Variants in TEX2 observed in about 807,000 individuals in gnomAD.
TEX2 encodes testis expressed 2, also known as testis-expressed protein 2.
TEX2 carries 53 observed loss-of-function variants against 106.9 expected under a neutral mutation model. The ratio of observed to expected loss-of-function variants is 0.50; its 90% CI spans 0.40 to 0.62. The LOEUF (loss-of-function observed/expected upper bound fraction) is 0.62. TEX2 is among the 20% of genes least tolerant of loss of function. TEX2 has a pLI of 0.00. For missense variants in TEX2, 1,207 were observed against 1,379.0 expected (o/e 0.88, Z 1.98); for synonymous variants, 523 against 534.8 (o/e 0.98, Z 0.30).
At chr17:64,260,459 T>C (rs574055128) in intron 1 of TEX2, among the ~76,000 whole-genome samples, 4 of 49,868 alleles carry the variant, frequency 8.0e-5, no homozygotes, top group Non-Finnish European at 1.5e-4. Flanking sequence ...TGTGAGCCAC[T>C]GTGCCTGGCC....
rs147535178 is a variant in TEX2, at chr17:64,213,996, G to A, written c.222C>T (p.Asp74=). The A allele has an allele frequency of 5.1e-4, 824 of 1,614,164 alleles. 9 individuals are homozygous for A. The African/African-American group carries it at 0.01, about 20-fold the overall frequency. Residue 74 remains aspartate (D), a synonymous_variant, in exon 2 of 12, where the codon GAC becomes GAT. Transcript: ENST00000584379. The surrounding 1 kb of genome is among the most constrained non-coding windows in gnomAD (Gnocchi z 4.4). ...GGCCAACTTGGGGTTCAAGATAGAG[G>A]TCTTCCTTGGCTTCCAGCCCTGTTA... ...SIVTGLEAKE[D]LYLEPQVGHD... is the part of the protein sequence containing the mutation.
At chr17:64,261,908 T>C (rs782463574) in intron 1 of TEX2, among the ~76,000 whole-genome samples, 1 of 152,226 alleles carries the variant, frequency 6.6e-6, no homozygotes, top group Non-Finnish European at 1.5e-5. Flanking sequence ...GACAAGCGTC[T>C]CTGTGTGACC....
Position 64,150,884 on chromosome 17 carries a change from T to A in TEX2, c.3218A>T (p.His1073Leu), listed in dbSNP as rs371512535. 7 of 1,613,978 alleles carry A rather than the reference T, an allele frequency of 4.3e-6. No individual in the cohort carries two copies. Among genetic ancestry groups the A allele is most frequent in the Non-Finnish European group, 5.9e-6 (7 of 1,179,946 alleles). The change falls in exon 11 of 12, where the codon CAT (histidine) becomes CTT (leucine). Residue 1073 changes from histidine (H) to leucine (L), a missense_variant. By Grantham distance (99) the His-to-Leu change is moderately conservative (BLOSUM62 -3). This residue lies in a region of TEX2 where 77 missense variants were observed against 73.2 expected (regional missense o/e 1.05). Coordinates refer to ENST00000584379, the MANE Select transcript of TEX2 (RefSeq NM_001288732.2). The stretch of plus-strand genomic sequence containing the variant: ...TTTCTTCTCTATCCAGTCTGTCACA[T>A]GAACTAAAGTCACTTCTCTCTCTCC... ...KLGEREVTLV[H>L]VTDWIEKKLE... is the part of the protein sequence containing the mutation.
chr17:64,206,704 C>T (rs59077541), intron 2 of TEX2, among the ~76,000 whole-genome samples: 20,396 of 151,958 alleles, frequency 0.13, 1,787 homozygotes, highest in African/African-American at 0.25. Flanking sequence ...GCTAGGATTA[C>T]AGGCATGCCC....
chr17:64,178,909 G>A (rs1426529449), intron 5 of TEX2, among the ~76,000 whole-genome samples: 3 of 152,200 alleles, frequency 2.0e-5, no homozygotes, highest in South Asian at 2.1e-4. Context: ...TGGTGCACAC[G>A]TTGTTGCTTG....
At chr17:64,192,223 C>T (rs1172950223) in intron 4 of TEX2, among the ~76,000 whole-genome samples, 1 of 152,160 alleles carries the variant, frequency 6.6e-6, no homozygotes, top group Non-Finnish European at 1.5e-5. Context: ...AAGTCCTAAC[C>T]CCAGTATCTC....
rs758516396 is a variant in TEX2, at chr17:64,188,278, T to C, written c.2314A>G (p.Met772Val). ...ATGTACACGCTGTAGTCGAGAAGCA[T>C]CTTCTGCCGCACGCTGCCTGCCAGC... ...KELAGSVRQK[M>V]LLDYSVYMGR... The change falls in exon 5 of 12, where the codon ATG becomes GTG. Residue 772 changes from methionine to valine, a missense_variant. Transcript: ENST00000584379. 1 of 1,614,126 alleles carries C rather than the reference T, an allele frequency of 6.2e-7. No individual in the cohort carries two copies. The highest frequency in any genetic ancestry group is 8.5e-7 in the Non-Finnish European group (1 of 1,180,042).
intron 1 of TEX2, among the ~76,000 whole-genome samples, chr17:64,233,338 C>G (rs2033698120): frequency 6.6e-6 from 1 of 152,146 alleles, no homozygotes; most frequent in Admixed American, 6.5e-5. Context: ...CTTTGGGAGG[C>G]CAAGGTGGGT....
Position 64,205,304 on chromosome 17 carries a change from G to A in TEX2, c.1644+7270C>T, listed in dbSNP as rs1408762979. Reference sequence around the variant, plus strand: ...TGCACTCTAGCCTGAGCGACAGAGCGAGGCAAAACAAACAAACATACAAAC... The same window carrying A: ...TGCACTCTAGCCTGAGCGACAGAGCAAGGCAAAACAAACAAACATACAAAC... On this transcript the variant is annotated intron_variant, in intron 2 of 11. Transcript: ENST00000584379. The surrounding 1 kb of genome is among the most constrained non-coding windows in gnomAD (Gnocchi z 4.0). Among the ~76,000 whole-genome samples the A allele has an allele frequency of 2.0e-5, 3 of 152,268 alleles. No individual in the cohort carries two copies. The highest frequency in any genetic ancestry group is 4.8e-5 in the African/African-American group (2 of 41,536).
chr17:64,237,002 T>C (rs2033784606), intron 1 of TEX2, among the ~76,000 whole-genome samples: 1 of 152,048 alleles, frequency 6.6e-6, no homozygotes, highest in Non-Finnish European at 1.5e-5. Context: ...TCAGGGAGCT[T>C]AGAGAGGGGT....
intron 1 of TEX2, among the ~76,000 whole-genome samples, chr17:64,239,832 T>C (rs557054075): frequency 4.3e-4 from 51 of 118,906 alleles, no homozygotes; most frequent in Middle Eastern, 8.8e-3. Context: ...GCCAAGATCA[T>C]GCCACTGCAC....
intron 2 of TEX2, among the ~76,000 whole-genome samples, chr17:64,201,830 T>C (rs1047831863): frequency 2.6e-5 from 4 of 152,222 alleles, no homozygotes; most frequent in African/African-American, 9.7e-5. Flanking sequence ...GATCATCATG[T>C]CTGCCAACCA....
intron 10 of TEX2, among the ~76,000 whole-genome samples, 160 bp from the exon 11 acceptor site, chr17:64,151,121 A>T (rs2030331992): frequency 6.6e-6 from 1 of 152,186 alleles, no homozygotes; most frequent in Admixed American, 6.5e-5. Flanking sequence ...CAAAGTATGA[A>T]TTGTGAACCC....
intron 5 of TEX2, among the ~76,000 whole-genome samples, chr17:64,181,480 A>G: frequency 7.8e-6 from 1 of 128,688 alleles, no homozygotes; most frequent in Non-Finnish European, 1.8e-5. Context: ...CTCAAAAAAA[A>G]AAAAAAAAAA....
In TEX2 at chr17:64,213,682, G is replaced by A. The variant is rs1555632133; in HGVS notation, c.536C>T (p.Thr179Ile). 5.6e-6 allele frequency: 9 copies of A among 1,614,198 alleles called. No homozygotes were observed. Among genetic ancestry groups the A allele is most frequent in the Non-Finnish European group, 6.8e-6 (8 of 1,180,032 alleles). Reference sequence around the variant, plus strand: ...GGGTTTTGCACTGGAAAGGGTGGAGGTTGAGGCACTGGATGAGAGGATGGG... The same window carrying A: ...GGGTTTTGCACTGGAAAGGGTGGAGATTGAGGCACTGGATGAGAGGATGGG... ...KSPILSSSASTSTLSSAKPFM... is the reference protein window; with the variant it reads ...KSPILSSSASISTLSSAKPFM... Residue 179 changes from threonine (T) to isoleucine (I), a missense_variant, in exon 2 of 12, where the codon ACC becomes ATC. Coordinates refer to ENST00000584379, the MANE Select transcript of TEX2 (RefSeq NM_001288732.2). The surrounding 1 kb of genome is among the most constrained non-coding windows in gnomAD (Gnocchi z 4.4).
intron 1 of TEX2, among the ~76,000 whole-genome samples, chr17:64,250,696 AT>A (rs1188647823): frequency 6.6e-6 from 1 of 151,726 alleles, no homozygotes; most frequent in Non-Finnish European, 1.5e-5. Context: ...TATTTTTTTT[AT>A]TTTTGACAGG....
At chr17:64,230,205 G>A (rs912983208) in intron 1 of TEX2, among the ~76,000 whole-genome samples, 4 of 151,860 alleles carry the variant, frequency 2.6e-5, no homozygotes, top group Admixed American at 2.6e-4. Flanking sequence ...GGAATTGATG[G>A]GAGGAATATG....
At chr17:64,160,983 A>T in intron 7 of TEX2, 50 bp from the exon 8 acceptor site, 1 of 1,572,878 alleles carries the variant, frequency 6.4e-7, no homozygotes, top group Non-Finnish European at 8.7e-7. Flanking sequence ...AAAAAAACAC[A>T]TGACTATAAA....
At chr17:64,240,213 A>G (rs549294482) in intron 1 of TEX2, among the ~76,000 whole-genome samples, 22 of 150,956 alleles carry the variant, frequency 1.5e-4, no homozygotes, top group African/African-American at 5.2e-4. Flanking sequence ...ACAGATGTAT[A>G]TAAGTATGTG....
Sources: gnomAD v4.1 joint callset for allele counts (sites outside exome capture counted in the v4.1 genomes callset) on GRCh38, gnomAD v4.1.1 for gene constraint, gnomAD v4.1.1 regional missense constraint, Gnocchi (gnomAD v3.1) non-coding constraint, MANE v1.5 for transcripts, NCBI Gene and HGNC (gene_info 2026-07-23, HGNC 2026-07-21) for gene names.